DMD: variants seen among roughly 807,000 people sequenced by gnomAD.
DMD encodes dystrophin.
Under a neutral mutation model 330.1 loss-of-function variants are expected in DMD, and 63 were observed. The ratio of observed to expected loss-of-function variants is 0.19; its 90% confidence interval spans 0.16 to 0.24. The LOEUF is 0.24. Among genes scored for constraint, DMD ranks in the 10% least tolerant of loss-of-function variants. The pLI is 1.00. For synonymous variants in DMD, 1,223 were observed against 959.8 expected (o/e 1.27, Z -5.07); for missense variants, 3,344 against 2,684.1 (o/e 1.25, Z -5.43).
intron 64 of DMD, among the ~76,000 whole-genome samples, chrX:31,211,226 C>A (rs1240816469): frequency 8.9e-6 from 1 of 112,028 alleles, no homozygotes; most frequent in East Asian, 2.8e-4. Flanking sequence ...AAGAAGACTG[C>A]GTGGGAGGCT....
chrX:32,011,434 G>A (rs1171599128), intron 44 of DMD, among the ~76,000 whole-genome samples: 2 of 111,625 alleles, frequency 1.8e-5, no homozygotes, highest in South Asian at 3.7e-4. Context: ...GTCCCCCTGG[G>A]AACTACATTT....
intron 51 of DMD, among the ~76,000 whole-genome samples, chrX:31,763,970 G>A (rs1162870320): frequency 9.0e-6 from 1 of 110,716 alleles, no homozygotes; most frequent in Non-Finnish European, 1.9e-5. Context: ...CGAACTCCTG[G>A]GCCCAAGAGA....
chrX:32,476,913 T>A (rs1051431215), intron 21 of DMD, among the ~76,000 whole-genome samples: 1 of 111,177 alleles, frequency 9.0e-6, no homozygotes, highest in Non-Finnish European at 1.9e-5. Context: ...AACAGATAAG[T>A]TTATCTTTAC....
At position 32,364,566 on chromosome X, in the gene DMD, A is replaced by G. The variant is rs779932444; in HGVS notation, c.5154+16T>C. The G allele has an allele frequency of 8.3e-7, 1 of 1,209,777 alleles. No individual in the cohort carries two copies. Among genetic ancestry groups the G allele is most frequent in the Non-Finnish European group, 1.1e-6 (1 of 894,000 alleles). On this transcript the variant is annotated intron_variant, in intron 36 of 78. Coordinates refer to ENST00000357033, the MANE Select transcript of DMD (RefSeq NM_004006.3). Reference sequence around the variant, plus strand: ...GTGTACAATTTGGACATTACTTTTCATATTTTATTTGCTACCTTAAGCACG... The same window carrying G: ...GTGTACAATTTGGACATTACTTTTCGTATTTTATTTGCTACCTTAAGCACG...
intron 50 of DMD, among the ~76,000 whole-genome samples, chrX:31,805,542 CTTTG>C (rs977629726): frequency 1.8e-5 from 2 of 111,798 alleles, no homozygotes; most frequent in Non-Finnish European, 3.8e-5. Context: ...TATCCCCTTT[CTTTG>C]TATTTTTTGA....
intron 52 of DMD, among the ~76,000 whole-genome samples, chrX:31,703,092 G>C (rs1472609770): frequency 9.0e-6 from 1 of 110,957 alleles, no homozygotes; most frequent in East Asian, 2.8e-4. Flanking sequence ...CTGACATCAA[G>C]TGGTCCACCC....
chrX:32,885,311 C>T (rs1386997887), intron 2 of DMD, among the ~76,000 whole-genome samples: 1 of 111,324 alleles, frequency 9.0e-6, no homozygotes, highest in Non-Finnish European at 1.9e-5. Flanking sequence ...AGGCTGCTTC[C>T]TATGGCTAGA....
chrX:31,178,401 G>A (rs905167292), intron 70 of DMD: 2 of 945,359 alleles, frequency 2.1e-6, no homozygotes, highest in African/African-American at 2.0e-5. Context: ...TATAAGGCTT[G>A]TAAGGCAATT....
intron 43 of DMD, among the ~76,000 whole-genome samples, chrX:32,218,349 A>T (rs1433887112): frequency 3.6e-5 from 4 of 111,655 alleles, no homozygotes; most frequent in Non-Finnish European, 7.5e-5. Flanking sequence ...TACTGGGCTT[A>T]CAGTCTACCA....
At chrX:32,807,867 T>G (rs1036426134) in intron 7 of DMD, among the ~76,000 whole-genome samples, 2 of 111,899 alleles carry the variant, frequency 1.8e-5, no homozygotes, top group Admixed American at 9.5e-5. Context: ...TCTCTTACTG[T>G]TTTATGAAAG....
intron 12 of DMD, among the ~76,000 whole-genome samples, chrX:32,604,192 G>A (rs1195237100): frequency 9.1e-6 from 1 of 110,436 alleles, no homozygotes; most frequent in Non-Finnish European, 1.9e-5. Context: ...GATATATGCA[G>A]AGCAATATCT....
chrX:32,372,669 T>C (rs1240731470), intron 34 of DMD, among the ~76,000 whole-genome samples: 1 of 111,292 alleles, frequency 9.0e-6, no homozygotes, highest in African/African-American at 3.3e-5. Context: ...TTAACATTAA[T>C]TTTACCCTCT....
chrX:32,036,971 C>T (rs1300412543), intron 44 of DMD, among the ~76,000 whole-genome samples: 1 of 111,404 alleles, frequency 9.0e-6, no homozygotes, highest in Non-Finnish European at 1.9e-5. Context: ...CCATCAGTGT[C>T]CTTGATGAGA....
intron 42 of DMD, among the ~76,000 whole-genome samples, chrX:32,307,703 T>C (rs1368125256): frequency 8.9e-6 from 1 of 111,905 alleles, no homozygotes; most frequent in East Asian, 2.8e-4. Flanking sequence ...GAAAACCTTT[T>C]GGTAATTTAA....
chrX:33,049,947 C>T (rs1331401623), intron 1 of DMD, among the ~76,000 whole-genome samples: 3 of 111,329 alleles, frequency 2.7e-5, no homozygotes, highest in South Asian at 3.7e-4. Context: ...CAAATATATT[C>T]GTCTTTAGAA....
At chrX:31,679,618 G>T in intron 52 of DMD, 32 bp from the exon 53 acceptor site, 1 of 1,101,294 alleles carries the variant, frequency 9.1e-7, no homozygotes. Flanking sequence ...ATATATAGTA[G>T]TAAATGCTAG....
At position 33,239,694 on chromosome X, in the gene DMD, T is replaced by C. The variant is rs569482233; in HGVS notation, c.7+99565A>G. ...GATGGTTTGAAGTACATATACATTG[T>C]GATATGGTTAAATCTAGCTAATTAA... On this transcript the variant is annotated intron_variant, in intron 1 of 17. Coordinates refer to the DMD transcript ENST00000288447. 2.6e-3 allele frequency among the ~76,000 whole-genome samples: 293 copies of C among 111,918 alleles called. 2 individuals carry two copies. Among genetic ancestry groups the C allele is most frequent in the African/African-American group, 9.1e-3 (281 of 30,833 alleles).
intron 51 of DMD, among the ~76,000 whole-genome samples, chrX:31,773,724 C>CTTTTTTTTTTTTTTTTTTTTTT (rs762551529): frequency 3.5e-4 from 19 of 53,545 alleles, no homozygotes; most frequent in Middle Eastern, 0.014. Flanking sequence ...AAGGTTTCTG[C>CTTTTTTTTTTTTTTTTTTTTTT]TTTTTTTTTT....
chrX:31,741,886 A>T (rs986145168), intron 51 of DMD, among the ~76,000 whole-genome samples: 5 of 111,647 alleles, frequency 4.5e-5, no homozygotes, highest in Non-Finnish European at 7.5e-5. Flanking sequence ...CTATATTGAA[A>T]ATGTGTTGTT....
Sources: allele counts gnomAD v4.1 joint callset (sites outside exome capture counted in the v4.1 genomes callset), GRCh38; gene constraint gnomAD v4.1.1; transcripts MANE v1.5; gene names NCBI Gene and HGNC (gene_info 2026-07-23, HGNC 2026-07-21).